PLB1: variants seen among roughly 807,000 people sequenced by gnomAD.
PLB1 encodes the protein phospholipase B1, also known as phospholipase B1, membrane-associated.
In PLB1, 242 loss-of-function variants were observed where a neutral mutation model predicts 227.4. The ratio of observed to expected loss-of-function variants is 1.06; its 90% confidence interval spans 0.96 to 1.18. The LOEUF (loss-of-function observed/expected upper bound fraction) is 1.18, where lower values mean the gene tolerates loss of function less well. Among genes scored for constraint, PLB1 ranks in the 50% most tolerant of loss-of-function variants. The pLI, the probability that PLB1 is intolerant of heterozygous loss-of-function variation, is 0.00. For synonymous variants in PLB1, 757 were observed against 682.2 expected, an observed-to-expected ratio of 1.11 and a Z score of -1.71; for missense variants, 1,858 against 1,816.3, an observed-to-expected ratio of 1.02 and a Z score of -0.42.
chr2:28,526,535 T>G (rs572371755), intron 6 of PLB1, among the ~76,000 whole-genome samples: 56 of 152,370 alleles, frequency 3.7e-4, no homozygotes, highest in Non-Finnish European at 5.9e-4. Context: ...AATTTAGTTT[T>G]TTTAAAATAT....
intron 1 of PLB1, among the ~76,000 whole-genome samples, chr2:28,506,613 C>T (rs547494297): frequency 3.5e-4 from 54 of 152,222 alleles, no homozygotes; most frequent in African/African-American, 1.2e-3. Flanking sequence ...GTGGAGTGAC[C>T]GGCCTAAGGT....
chr2:28,643,975 G>T lies in PLB1; in HGVS notation c.*914G>T, dbSNP rs1690225683. 6.6e-6 allele frequency among the ~76,000 whole-genome samples: 1 copy of T among 152,224 alleles called. No homozygotes were observed. Among genetic ancestry groups the T allele is most frequent in the African/African-American group, 2.4e-5 (1 of 41,466 alleles). On this transcript the variant is annotated 3_prime_UTR_variant, in exon 58 of 58. Coordinates refer to ENST00000327757, the MANE Select transcript of PLB1 (RefSeq NM_153021.5). ...TTCCACAGATGGTCTCTTTTATGCTGCACAAAAGCCCAGGGAGGGGGTAAA... is the reference window on the plus strand; with the variant it reads ...TTCCACAGATGGTCTCTTTTATGCTTCACAAAAGCCCAGGGAGGGGGTAAA...
At chr2:28,536,993 A>G (rs1489660755) in intron 9 of PLB1, among the ~76,000 whole-genome samples, 3 of 152,186 alleles carry the variant, frequency 2.0e-5, no homozygotes, top group Non-Finnish European at 4.4e-5. Flanking sequence ...GGCAGCGAGG[A>G]TGCCTCTAGA....
At chr2:28,558,586 C>G (rs1675525025) in intron 17 of PLB1, among the ~76,000 whole-genome samples, 1 of 152,174 alleles carries the variant, frequency 6.6e-6, no homozygotes, top group African/African-American at 2.4e-5. Context: ...TATTGTTCTT[C>G]TAACCACATG....
At chr2:28,540,308 C>A in intron 11 of PLB1, 58 bp from the exon 12 acceptor site, 11 of 1,459,950 alleles carry the variant, frequency 7.5e-6, no homozygotes, top group Non-Finnish European at 9.6e-6. Flanking sequence ...CTGGATGCAT[C>A]CCCTTCCCTG....
Position 28,587,357 on chromosome 2 carries a change from T to A in PLB1, c.1815+1515T>A, listed in dbSNP as rs1370162111. On this transcript the variant is annotated intron_variant, in intron 26 of 57. Transcript: ENST00000327757. ...AATGCTGGGCGTGGTGACTCACGCC[T>A]ATAATCCCAGCACTTTGGGAGACCA... Among the ~76,000 whole-genome samples the A allele has an allele frequency of 2.0e-5, 3 of 152,196 alleles. No individual in the cohort carries two copies. In the East Asian group the frequency reaches 5.8e-4, roughly 29 times the overall value.
At chr2:28,618,262 T>G in intron 45 of PLB1, 79 bp from the exon 46 acceptor site, 2 of 1,314,430 alleles carry the variant, frequency 1.5e-6, no homozygotes, top group Non-Finnish European at 2.2e-6. Flanking sequence ...GACAGAGTTA[T>G]AGACTTCTGG....
chr2:28,538,867 GC>G (rs1342238735), intron 10 of PLB1, among the ~76,000 whole-genome samples: 2 of 152,060 alleles, frequency 1.3e-5, no homozygotes, highest in East Asian at 3.9e-4. Flanking sequence ...GGTGGGAGGC[GC>G]CCCGCCCACC....
intron 50 of PLB1, 40 bp from the exon 51 acceptor site, chr2:28,626,388 T>A (rs369236368): frequency 1.9e-6 from 3 of 1,568,928 alleles, no homozygotes; most frequent in African/African-American, 2.7e-5. Flanking sequence ...TGTATGTGCC[T>A]CCCACCAAGG....
chr2:28,511,064 C>T (rs1668200352), intron 1 of PLB1, among the ~76,000 whole-genome samples: 1 of 152,098 alleles, frequency 6.6e-6, no homozygotes, highest in African/African-American at 2.4e-5. Context: ...AACATGCACC[C>T]TTGACTTATT....
chr2:28,601,375 T>C lies in PLB1; in HGVS notation c.2607+43T>C, dbSNP rs200977000. The C allele has an allele frequency of 1.4e-4, 212 of 1,557,138 alleles. 2 individuals carry two copies. The East Asian group carries it at 4.2e-3, about 31-fold the overall frequency. On this transcript the variant is annotated intron_variant, in intron 37 of 57. Transcript: ENST00000327757. The stretch of plus-strand genomic sequence containing the variant: ...CAGGCCTACTTGTTGTTCCTAACTT[T>C]GCCCAGTAGGCGTTGGAGATCTTCC...
At chr2:28,598,238 T>A (rs1683290904) in intron 34 of PLB1, among the ~76,000 whole-genome samples, 190 bp downstream of exon 34, 1 of 152,156 alleles carries the variant, frequency 6.6e-6, no homozygotes, top group South Asian at 2.1e-4. Flanking sequence ...AGCCTGAAGA[T>A]CTGAGTTCAA....
chr2:28,567,503 C>T (rs1228112849), intron 20 of PLB1, among the ~76,000 whole-genome samples: 9 of 117,766 alleles, frequency 7.6e-5, no homozygotes, highest in East Asian at 2.3e-4. Context: ...GATGGAGTCT[C>T]ACTCTGTTGC....
chr2:28,637,299 T>TA (rs34972015), intron 56 of PLB1, among the ~76,000 whole-genome samples: 31,829 of 130,820 alleles, frequency 0.24, 4,176 homozygotes, highest in African/African-American at 0.36. Context: ...GTCTCAAATT[T>TA]AAAAAAAAAA....
At chr2:28,591,322 G>A (rs1681888381) in intron 30 of PLB1, 151 bp downstream of exon 30, 1 of 919,578 alleles carries the variant, frequency 1.1e-6, no homozygotes, top group Non-Finnish European at 1.7e-6. Flanking sequence ...GGGGTAGTGG[G>A]CAGAGTAAAT....
At chr2:28,578,021 A>C in intron 21 of PLB1, 86 bp from the exon 22 acceptor site, 1 of 1,354,932 alleles carries the variant, frequency 7.4e-7, no homozygotes, top group Non-Finnish European at 1.1e-6. Flanking sequence ...GCCTTCCTCC[A>C]CCATACATTT....
intron 43 of PLB1, 105 bp downstream of exon 43, chr2:28,606,672 C>T: frequency 9.6e-7 from 1 of 1,044,838 alleles, no homozygotes; most frequent in Non-Finnish European, 1.5e-6. Flanking sequence ...CATCTTGCCC[C>T]CTTACTGAGG....
At chr2:28,575,065 A>G (rs546370693) in intron 21 of PLB1, among the ~76,000 whole-genome samples, 1 of 152,178 alleles carries the variant, frequency 6.6e-6, no homozygotes, top group Non-Finnish European at 1.5e-5. Flanking sequence ...TGGTGGTTCT[A>G]CTTTCAGTCT....
intron 41 of PLB1, 114 bp from the exon 42 acceptor site, chr2:28,605,738 CT>C: frequency 1.3e-6 from 1 of 756,520 alleles, no homozygotes; most frequent in East Asian, 2.5e-5. Flanking sequence ...GGCTGGTGAC[CT>C]GGAGCACTCC....
Sources: gnomAD v4.1 joint callset for allele counts (sites outside exome capture counted in the v4.1 genomes callset) on GRCh38, gnomAD v4.1.1 for gene constraint, MANE v1.5 for transcripts, NCBI Gene and HGNC (gene_info 2026-07-23, HGNC 2026-07-21) for gene names.